CHODL: variants seen among roughly 807,000 people sequenced by gnomAD.
CHODL encodes the protein chondrolectin.
CHODL carries 29 observed loss-of-function variants against 34.5 expected under a neutral mutation model. The observed-to-expected ratio is 0.84, with a 90% CI of 0.63 to 1.15. The LOEUF (loss-of-function observed/expected upper bound fraction) is 1.15, where lower values mean the gene tolerates loss of function less well. Ranked by LOEUF, CHODL falls within the 50% of genes most tolerant of loss-of-function variation. CHODL has a pLI of 0.00. For missense variants in CHODL, 332 were observed against 332.5 expected, an observed-to-expected ratio of 1.00 and a Z score of 0.01; for synonymous variants, 125 against 116.1, an observed-to-expected ratio of 1.08 and a Z score of -0.49.
chr21:18,095,031 G>A (rs1195263008), intron 2 of CHODL, among the ~76,000 whole-genome samples: 1 of 151,870 alleles, frequency 6.6e-6, no homozygotes, highest in East Asian at 1.9e-4. Context: ...GGCTGAGGCA[G>A]GAGAATCACT....
chr21:17,963,680 T>C (rs1455863165), intron 1 of CHODL, among the ~76,000 whole-genome samples: 6 of 152,190 alleles, frequency 3.9e-5, no homozygotes. Context: ...TGGATGGGGA[T>C]GTAGCCAAAC....
intron 2 of CHODL, among the ~76,000 whole-genome samples, chr21:18,194,380 C>T (rs1279103268): frequency 1.3e-5 from 2 of 152,152 alleles, no homozygotes; most frequent in Admixed American, 6.5e-5. Context: ...CATGCTTCAG[C>T]CCCCTTGCCC....
At chr21:18,075,661 C>T (rs1249471765) in intron 2 of CHODL, among the ~76,000 whole-genome samples, 2 of 152,138 alleles carry the variant, frequency 1.3e-5, no homozygotes, top group African/African-American at 2.4e-5. Context: ...ATAACTTCCA[C>T]ATTGCTCATT....
intron 2 of CHODL, among the ~76,000 whole-genome samples, chr21:18,172,947 G>A (rs2146662944): frequency 6.6e-6 from 1 of 152,242 alleles, no homozygotes; most frequent in African/African-American, 2.4e-5. Context: ...CAGTTTACTG[G>A]CAGAATTTAG....
At chr21:18,192,526 C>T (rs541595899) in intron 2 of CHODL, among the ~76,000 whole-genome samples, 5 of 152,168 alleles carry the variant, frequency 3.3e-5, no homozygotes, top group South Asian at 2.1e-4. Flanking sequence ...ATACTTGTTA[C>T]GGTTATATAG....
intron 2 of CHODL, among the ~76,000 whole-genome samples, chr21:18,170,025 T>G (rs2073208322): frequency 1.3e-5 from 2 of 152,198 alleles, no homozygotes; most frequent in East Asian, 3.9e-4. Context: ...TTATTGAAAA[T>G]GAGGCATTGG....
intron 1 of CHODL, chr21:18,245,794 C>A: frequency 1.1e-6 from 1 of 869,936 alleles, no homozygotes; most frequent in Non-Finnish European, 1.8e-6. Flanking sequence ...CTCCGGATGC[C>A]TGGGCATTCG....
intron 2 of CHODL, among the ~76,000 whole-genome samples, chr21:18,080,615 G>C (rs1387918927): frequency 6.6e-6 from 1 of 152,002 alleles, no homozygotes; most frequent in Non-Finnish European, 1.5e-5. Context: ...TATTTTTGTT[G>C]ACTTCATCAA....
At position 18,053,367 on chromosome 21, in the gene CHODL, T is replaced by A. The variant is rs931437729; in HGVS notation, c.-45+25396T>A. ...GAAATGCTGATGTAGCATTCTGCAT[T>A]GACCTCAGAAGACATTTTGTTGCCT... On this transcript the variant is annotated intron_variant, in intron 2 of 6. Transcript: ENST00000400127. Among the ~76,000 whole-genome samples the A allele has an allele frequency of 6.6e-5, 10 of 152,094 alleles. No individual in the cohort carries two copies. The East Asian group carries it at 1.9e-3, about 29-fold the overall frequency.
intron 1 of CHODL, among the ~76,000 whole-genome samples, chr21:17,997,063 G>A (rs1034422020): frequency 3.3e-5 from 5 of 151,930 alleles, no homozygotes; most frequent in African/African-American, 1.2e-4. Context: ...GAACAAATAA[G>A]ACTACCAATG....
intron 2 of CHODL, among the ~76,000 whole-genome samples, chr21:18,055,692 C>T (rs2064570890): frequency 6.6e-6 from 1 of 151,932 alleles, no homozygotes; most frequent in Admixed American, 6.6e-5. Flanking sequence ...ATTGTGTTTT[C>T]TGCTTTTGAA....
At chr21:18,189,246 T>C (rs1463044316) in intron 2 of CHODL, among the ~76,000 whole-genome samples, 1 of 152,218 alleles carries the variant, frequency 6.6e-6, no homozygotes, top group East Asian at 1.9e-4. Context: ...AAATTTTACA[T>C]TTATAAAGTT....
chr21:18,042,969 A>G (rs1015922118), intron 2 of CHODL, among the ~76,000 whole-genome samples: 1 of 151,996 alleles, frequency 6.6e-6, no homozygotes, highest in African/African-American at 2.4e-5. Context: ...ATTGAACTAC[A>G]GTGAGAAATT....
intron 2 of CHODL, among the ~76,000 whole-genome samples, chr21:18,125,686 C>T (rs2065534443): frequency 6.6e-6 from 1 of 152,038 alleles, no homozygotes; most frequent in Non-Finnish European, 1.5e-5. Context: ...ACCTCCGCCT[C>T]ACGGGTTCAT....
intron 2 of CHODL, among the ~76,000 whole-genome samples, chr21:18,087,115 G>A (rs1332666365): frequency 6.6e-6 from 1 of 152,184 alleles, no homozygotes; most frequent in Non-Finnish European, 1.5e-5. Context: ...CTGGGTGGTG[G>A]CCTCAGCTGC....
chr21:18,125,120 G>C (rs986848606), intron 2 of CHODL, among the ~76,000 whole-genome samples: 1 of 152,184 alleles, frequency 6.6e-6, no homozygotes, highest in South Asian at 2.1e-4. Context: ...AGCCAGGTGT[G>C]TCTGATCTCC....
intron 2 of CHODL, among the ~76,000 whole-genome samples, chr21:18,049,333 A>G (rs1283853182): frequency 6.6e-6 from 1 of 152,006 alleles, no homozygotes; most frequent in African/African-American, 2.4e-5. Context: ...AAATTTTAGA[A>G]TGTATCTGTC....
intron 1 of CHODL, among the ~76,000 whole-genome samples, chr21:18,004,969 A>T (rs1022131697): frequency 1.3e-5 from 2 of 152,214 alleles, no homozygotes; most frequent in African/African-American, 4.8e-5. Flanking sequence ...TATGCTTATT[A>T]GTTGCCAAAT....
intron 2 of CHODL, among the ~76,000 whole-genome samples, chr21:18,103,593 C>T (rs966180688): frequency 6.6e-6 from 1 of 152,114 alleles, no homozygotes; most frequent in African/African-American, 2.4e-5. Flanking sequence ...TCAGTGTATT[C>T]AGGCGATGGA....
Sources: allele counts gnomAD v4.1 joint callset (sites outside exome capture counted in the v4.1 genomes callset), GRCh38; gene constraint gnomAD v4.1.1; transcripts MANE v1.5; gene names NCBI Gene and HGNC (gene_info 2026-07-23, HGNC 2026-07-21).